GRHL2: variants seen among roughly 807,000 people sequenced by gnomAD.
GRHL2 encodes the protein grainyhead like transcription factor 2.
A neutral mutation model predicts 83.8 loss-of-function variants in GRHL2; 21 were observed. That is an observed-to-expected ratio of 0.25 (90% CI 0.18 to 0.36). The LOEUF (loss-of-function observed/expected upper bound fraction) is 0.36. Ranked by LOEUF, GRHL2 falls within the 10% of genes least tolerant of loss-of-function variation. The probability of loss-of-function intolerance (pLI) is 1.00; values close to 1 mark genes in which losing one functional copy is unlikely to be tolerated. For synonymous variants in GRHL2, 280 were observed against 278.9 expected, an observed-to-expected ratio of 1.00 and a Z score of -0.04; for missense variants, 623 against 781.8, an observed-to-expected ratio of 0.80 and a Z score of 2.42.
At chr8:101,575,759 C>T (rs1811921142) in intron 6 of GRHL2, among the ~76,000 whole-genome samples, 1 of 151,984 alleles carries the variant, frequency 6.6e-6, no homozygotes, top group Non-Finnish European at 1.5e-5. Flanking sequence ...CAAATAAATA[C>T]CAGGAAGCCA....
At chr8:101,645,632 A>G (rs1236894227) in intron 13 of GRHL2, among the ~76,000 whole-genome samples, 1 of 152,158 alleles carries the variant, frequency 6.6e-6, no homozygotes, top group African/African-American at 2.4e-5. Context: ...AGGAGATGGC[A>G]GGAGTGCCTA....
chr8:101,558,614 T>C lies in GRHL2; in HGVS notation c.480T>C (p.Ala160=). ...TGTCGGGAATCACGGTGGTGAAAGCTGAAGATTTCACACCAGTTTTCATGG... is the reference window on the plus strand; with the variant it reads ...TGTCGGGAATCACGGTGGTGAAAGCCGAAGATTTCACACCAGTTTTCATGG... The part of the protein sequence containing the change: ...IPVSGITVVK[A]EDFTPVFMAP... Residue 160 remains alanine, a synonymous_variant, in exon 4 of 16, where the codon GCT becomes GCC. Coordinates refer to ENST00000646743, the MANE Select transcript of GRHL2 (RefSeq NM_024915.4). 6.2e-7 allele frequency: 1 copy of C among 1,614,020 alleles called. No homozygotes were observed. The highest frequency in any genetic ancestry group is 8.5e-7 in the Non-Finnish European group (1 of 1,179,996).
At chr8:101,581,134 T>A (rs544577620) in intron 7 of GRHL2, among the ~76,000 whole-genome samples, 1 of 152,354 alleles carries the variant, frequency 6.6e-6, no homozygotes, top group South Asian at 2.1e-4. Context: ...GACATCCTGA[T>A]TCTTTGGTCT....
chr8:101,532,488 A>G (rs192567356), intron 1 of GRHL2, among the ~76,000 whole-genome samples: 443 of 152,298 alleles, frequency 2.9e-3, no homozygotes, highest in African/African-American at 0.01. Context: ...GCGGTGGCTC[A>G]TGCCTGTTAT....
chr8:101,617,442 C>T (rs1406500130), intron 8 of GRHL2, among the ~76,000 whole-genome samples: 1 of 152,158 alleles, frequency 6.6e-6, no homozygotes, highest in Non-Finnish European at 1.5e-5. Flanking sequence ...AGCCTACAGG[C>T]TTTGGGTTTG....
At chr8:101,592,120 T>G (rs1330182806) in intron 7 of GRHL2, among the ~76,000 whole-genome samples, 1 of 147,128 alleles carries the variant, frequency 6.8e-6, no homozygotes, top group East Asian at 2.0e-4. Flanking sequence ...TTTTTTTTTT[T>G]TTGAGACAGA....
chr8:101,558,141 A>C (rs1811524884), intron 3 of GRHL2, among the ~76,000 whole-genome samples: 1 of 152,166 alleles, frequency 6.6e-6, no homozygotes, highest in South Asian at 2.1e-4. Context: ...CTGGGATTAC[A>C]GGCATGAGGC....
intron 8 of GRHL2, among the ~76,000 whole-genome samples, chr8:101,619,246 C>T (rs1812915926): frequency 6.6e-6 from 1 of 151,928 alleles, no homozygotes; most frequent in Admixed American, 6.6e-5. Context: ...GAGTGAGGCT[C>T]TGTCTCAAAA....
rs1185938895 is a variant in GRHL2, at chr8:101,636,903, T to C, written c.1492T>C (p.Tyr498His). 2.5e-6 allele frequency: 4 copies of C among 1,613,658 alleles called. No homozygotes were observed. Among genetic ancestry groups the C allele is most frequent in the Non-Finnish European group, 3.4e-6 (4 of 1,179,706 alleles). ...CTATTGTTTTGTTCCACAGGTGTAT[T>C]ACAACACGGATGATGAACGAGAAGG... is the stretch of plus-strand genomic sequence containing the variant. ...ANLQRTGQVY[Y>H]NTDDEREGGS... is the part of the protein sequence containing the mutation. The change falls in exon 12 of 16, where the codon TAC becomes CAC. Residue 498 changes from tyrosine to histidine, a missense_variant. Physicochemically the swap from Tyr to His is moderately conservative, Grantham distance 83. This residue lies in a region of GRHL2 where 210 missense variants were observed against 254.8 expected (regional missense o/e 0.82). Coordinates refer to ENST00000646743, the MANE Select transcript of GRHL2 (RefSeq NM_024915.4).
chr8:101,505,499 C>A (rs754035684), intron 1 of GRHL2, among the ~76,000 whole-genome samples: 1 of 147,322 alleles, frequency 6.8e-6, no homozygotes, highest in Non-Finnish European at 1.5e-5. Flanking sequence ...ATCTCTTGAA[C>A]CTGGGACGCG....
chr8:101,571,348 C>A (rs920940054), intron 5 of GRHL2, among the ~76,000 whole-genome samples: 14 of 152,056 alleles, frequency 9.2e-5, no homozygotes, highest in African/African-American at 3.1e-4. Context: ...TGGTTATGAT[C>A]ATGTCTGAAG....
Position 101,653,257 on chromosome 8 carries a change from G to GT in GRHL2, c.1698+3763dup, listed in dbSNP as rs1302599778. Among the ~76,000 whole-genome samples the GT allele has an allele frequency of 3.9e-5, 6 of 152,158 alleles. No individual in the cohort carries two copies. In the East Asian group the frequency reaches 9.6e-4, roughly 24 times the overall value. On this transcript the variant is annotated intron_variant, in intron 14 of 15. Transcript: ENST00000646743. ...TAATATCATTGTGGGGGGGCTTATAGTTTTTAACAGCTGAAAGTTATATAG... is the reference window on the plus strand; with the variant it reads ...TAATATCATTGTGGGGGGGCTTATAGTTTTTTAACAGCTGAAAGTTATATAG...
chr8:101,513,938 A>G (rs1016447808), intron 1 of GRHL2, among the ~76,000 whole-genome samples: 1 of 152,136 alleles, frequency 6.6e-6, no homozygotes, highest in African/African-American at 2.4e-5. Flanking sequence ...AAAGTCCTTG[A>G]CTAACCTTTC....
At position 101,652,499 on chromosome 8, in the gene GRHL2, TGTG is replaced by T. The variant is rs1411709297; in HGVS notation, c.1698+3001_1698+3003del. ...GTGTGGTATGTGTGTATGTGTGTGG[TGTG>T]TGTGTGTGGTGTGTGTGTGGTGTGT... On this transcript the variant is annotated intron_variant, in intron 14 of 15. Transcript: ENST00000646743. 1.0e-4 allele frequency among the ~76,000 whole-genome samples: 4 copies of T among 38,768 alleles called. 1 individual carries two copies. The highest frequency in any genetic ancestry group is 3.4e-4 in the African/African-American group (1 of 2,964). The allele number at this position is 38,768 out of a possible 152,430, so 25.4% of individuals were successfully genotyped here. A position where few individuals can be genotyped will look rare whatever the true frequency, so the allele number is the denominator to read the frequency against.
chr8:101,524,017 A>G (rs1810751090), intron 1 of GRHL2, among the ~76,000 whole-genome samples: 1 of 152,136 alleles, frequency 6.6e-6, no homozygotes, highest in African/African-American at 2.4e-5. Flanking sequence ...TTTCTCTTCA[A>G]GATGTGCCTC....
At chr8:101,537,283 G>A (rs1415879629) in intron 1 of GRHL2, among the ~76,000 whole-genome samples, 2 of 152,178 alleles carry the variant, frequency 1.3e-5, no homozygotes, top group African/African-American at 2.4e-5. Context: ...AGCAATGAAA[G>A]CTGTAAGAAC....
chr8:101,528,467 C>CA (rs1172861611), intron 1 of GRHL2, among the ~76,000 whole-genome samples: 2 of 149,826 alleles, frequency 1.3e-5, no homozygotes, highest in East Asian at 4.0e-4. Flanking sequence ...AAATCAAAAA[C>CA]AAAAACACAA....
chr8:101,635,320 C>A (rs1009207022), intron 11 of GRHL2, among the ~76,000 whole-genome samples: 12 of 152,106 alleles, frequency 7.9e-5, no homozygotes, highest in African/African-American at 2.9e-4. Flanking sequence ...ATGGGCCCAA[C>A]AGCTGACATG....
intron 7 of GRHL2, among the ~76,000 whole-genome samples, chr8:101,580,099 A>C (rs1461844410): frequency 6.6e-6 from 1 of 152,216 alleles, no homozygotes; most frequent in African/African-American, 2.4e-5. Context: ...CAAGTCAGCC[A>C]GGCAGTGACC....
Sources: allele counts gnomAD v4.1 joint callset (sites outside exome capture counted in the v4.1 genomes callset), GRCh38; gene constraint gnomAD v4.1.1; regional missense constraint gnomAD v4.1.1; transcripts MANE v1.5; gene names NCBI Gene and HGNC (gene_info 2026-07-23, HGNC 2026-07-21).